The following ADAMTSL1 variants were observed in gnomAD, a reference collection of about 807,000 sequenced individuals.
ADAMTSL1 encodes ADAMTS like 1.
Under a neutral mutation model 201.8 loss-of-function variants are expected in ADAMTSL1, and 126 were observed. That is an observed-to-expected ratio of 0.62 (90% CI 0.54 to 0.72). ADAMTSL1 has a LOEUF of 0.72. Among genes scored for constraint, ADAMTSL1 ranks in the 30% least tolerant of loss-of-function variants. ADAMTSL1 has a pLI of 0.00. For synonymous variants in ADAMTSL1, 1,121 were observed against 903.4 expected (o/e 1.24, Z -4.32); for missense variants, 2,679 against 2,277.8 (o/e 1.18, Z -3.59).
chr9:18,460,826 A>G (rs1820780997), intron 2 of ADAMTSL1, among the ~76,000 whole-genome samples: 1 of 152,188 alleles, frequency 6.6e-6, no homozygotes, highest in Admixed American at 6.5e-5. Context: ...TCCTCTCTGT[A>G]TAATGAACAA....
chr9:18,726,834 A>G (rs1817923170), intron 15 of ADAMTSL1, among the ~76,000 whole-genome samples: 1 of 152,222 alleles, frequency 6.6e-6, no homozygotes, highest in South Asian at 2.1e-4. Context: ...TACAGAATAG[A>G]TAAACAGGGA....
intron 26 of ADAMTSL1, among the ~76,000 whole-genome samples, chr9:18,896,726 T>A (rs1285289340): frequency 6.6e-6 from 1 of 152,180 alleles, no homozygotes; most frequent in East Asian, 1.9e-4. Flanking sequence ...TTGCAATCAG[T>A]GGATCAGGAG....
intron 2 of ADAMTSL1, among the ~76,000 whole-genome samples, chr9:18,455,522 CT>C (rs778005899): frequency 0.023 from 3,345 of 146,578 alleles, 58 homozygotes; most frequent in Non-Finnish European, 0.038. Context: ...AACTCCTAAT[CT>C]TTTTTTTTTT....
chr9:18,339,098 C>G (rs1362271316), intron 2 of ADAMTSL1, among the ~76,000 whole-genome samples: 1 of 151,706 alleles, frequency 6.6e-6, no homozygotes. Context: ...ATGCACGTGT[C>G]TTTATGTCAG....
Position 18,905,262 on chromosome 9 carries a change from G to C in ADAMTSL1, c.4852-520G>C, listed in dbSNP as rs948165067. On this transcript the variant is annotated intron_variant, in intron 26 of 28. Coordinates refer to ENST00000380548, the MANE Select transcript of ADAMTSL1 (RefSeq NM_001040272.6). ...AACAATCTCCATGAGCACATAGCAA[G>C]AGAATATGAGGGAGGACTCTGCATA... Among the ~76,000 whole-genome samples, 12 of 152,320 alleles carry C rather than the reference G, an allele frequency of 7.9e-5. No homozygotes were observed. The East Asian group carries it at 2.3e-3, about 29-fold the overall frequency.
At chr9:18,331,877 T>G (rs774246244) in intron 2 of ADAMTSL1, among the ~76,000 whole-genome samples, 1 of 152,198 alleles carries the variant, frequency 6.6e-6, no homozygotes, top group Non-Finnish European at 1.5e-5. Flanking sequence ...CTTATATCAC[T>G]TTTATTATAT....
At chr9:18,597,025 T>C (rs1194392321) in intron 4 of ADAMTSL1, among the ~76,000 whole-genome samples, 1 of 152,214 alleles carries the variant, frequency 6.6e-6, no homozygotes, top group Non-Finnish European at 1.5e-5. Context: ...CCAATTAGAT[T>C]GAGAACTTCT....
intron 2 of ADAMTSL1, among the ~76,000 whole-genome samples, chr9:18,379,087 GA>G (rs956384160): frequency 6.6e-6 from 1 of 152,188 alleles, no homozygotes; most frequent in Non-Finnish European, 1.5e-5. Flanking sequence ...GTCATCTTCT[GA>G]AAGTAAGAAG....
chr9:18,435,027 G>T (rs571373812), intron 2 of ADAMTSL1, among the ~76,000 whole-genome samples: 1 of 152,306 alleles, frequency 6.6e-6, no homozygotes, highest in East Asian at 1.9e-4. Context: ...CTAAATGCAT[G>T]CTTTGTAACT....
intron 1 of ADAMTSL1, among the ~76,000 whole-genome samples, chr9:17,945,594 A>G (rs1827429418): frequency 6.6e-6 from 1 of 152,292 alleles, no homozygotes; most frequent in Admixed American, 6.5e-5. Flanking sequence ...AGACTGGATT[A>G]AGAAAATGTG....
intron 20 of ADAMTSL1, among the ~76,000 whole-genome samples, chr9:18,813,714 A>G (rs1387430527): frequency 1.3e-5 from 2 of 152,228 alleles, no homozygotes; most frequent in Non-Finnish European, 2.9e-5. Context: ...ATTTTTTAGT[A>G]AAGTTGTAGG....
At chr9:18,518,068 A>T (rs1564012535) in intron 2 of ADAMTSL1, among the ~76,000 whole-genome samples, 1 of 152,136 alleles carries the variant, frequency 6.6e-6, no homozygotes, top group Non-Finnish European at 1.5e-5. Context: ...CTAACAGTAC[A>T]CCAAGCATGT....
At chr9:18,479,105 C>T (rs1205099653) in intron 1 of ADAMTSL1, among the ~76,000 whole-genome samples, 1 of 152,172 alleles carries the variant, frequency 6.6e-6, no homozygotes, top group Non-Finnish European at 1.5e-5. Context: ...GCTATCAACC[C>T]CTTCTTTCCA....
chr9:18,344,754 T>G (rs550460965), intron 2 of ADAMTSL1, among the ~76,000 whole-genome samples: 2 of 152,142 alleles, frequency 1.3e-5, no homozygotes, highest in Admixed American at 6.5e-5. Context: ...AATGAACAAC[T>G]GTGGGGTGGA....
chr9:18,706,559 C>G (rs1452909409), intron 13 of ADAMTSL1, 188 bp from the exon 14 acceptor site: 4 of 592,132 alleles, frequency 6.8e-6, no homozygotes, highest in Non-Finnish European at 1.2e-5. Context: ...AGCAAGCAAC[C>G]CAGAAACAGT....
chr9:18,300,642 C>G (rs1328835964), intron 2 of ADAMTSL1, among the ~76,000 whole-genome samples: 5 of 152,058 alleles, frequency 3.3e-5, no homozygotes, highest in African/African-American at 1.2e-4. Context: ...GAAATGATTT[C>G]TAAAGCCGCT....
At chr9:18,099,355 A>ATATATATATATATATATATTTTTT (rs1239180390) in intron 1 of ADAMTSL1, among the ~76,000 whole-genome samples, 1 of 45,560 alleles carries the variant, frequency 2.2e-5, no homozygotes, top group African/African-American at 8.1e-5. Context: ...ATATATATAT[A>ATATATATATATATATATATTTTTT]TTTTTTTTTT....
chr9:18,364,937 C>A (rs1836702196), intron 2 of ADAMTSL1, among the ~76,000 whole-genome samples: 1 of 152,060 alleles, frequency 6.6e-6, no homozygotes, highest in Non-Finnish European at 1.5e-5. Flanking sequence ...AGAACTCCGC[C>A]CCCATGATCC....
At position 17,958,577 on chromosome 9, in the gene ADAMTSL1, C is replaced by T. The variant is rs938864847; in HGVS notation, c.87+51655C>T. ...GGGCATTGGACAAAATGTTCTTTTC[C>T]TCTATTTGTCTTTAATTACGTTAAT... On this transcript the variant is annotated intron_variant, in intron 1 of 29. Transcript: ENST00000680146. Among the ~76,000 whole-genome samples the T allele has an allele frequency of 7.9e-4, 121 of 152,212 alleles. 1 individual carries two copies. Among genetic ancestry groups the T allele is most frequent in the Non-Finnish European group, 1.5e-3 (101 of 68,014 alleles).
Sources: gnomAD v4.1 joint callset for allele counts (sites outside exome capture counted in the v4.1 genomes callset) on GRCh38, gnomAD v4.1.1 for gene constraint, MANE v1.5 for transcripts, NCBI Gene and HGNC (gene_info 2026-07-23, HGNC 2026-07-21) for gene names.